The following PTPRD variants were observed in gnomAD, a reference collection of about 807,000 sequenced individuals.
The protein encoded by PTPRD is protein tyrosine phosphatase receptor type D.
In PTPRD, 34 loss-of-function variants were observed where a neutral mutation model predicts 214.5. That is an observed-to-expected ratio of 0.16 (90% confidence interval 0.12 to 0.21). PTPRD has a LOEUF of 0.21. Ranked by LOEUF, PTPRD falls within the 10% of genes least tolerant of loss-of-function variation. The probability of loss-of-function intolerance (pLI) is 1.00; values close to 1 mark genes in which losing one functional copy is unlikely to be tolerated. For missense variants in PTPRD, 2,545 were observed against 2,398.7 expected (o/e 1.06, Z -1.27); for synonymous variants, 1,128 against 845.7 (o/e 1.33, Z -5.79).
intron 5 of PTPRD, among the ~76,000 whole-genome samples, chr9:9,786,574 G>A (rs534509881): frequency 2.6e-5 from 4 of 152,240 alleles, no homozygotes; most frequent in South Asian, 4.1e-4. Flanking sequence ...TCCCTTGCTG[G>A]TAGAAGCAAG....
chr9:10,153,927 A>C (rs1007956254), intron 3 of PTPRD, among the ~76,000 whole-genome samples: 1 of 152,158 alleles, frequency 6.6e-6, no homozygotes, highest in Admixed American at 6.6e-5. Flanking sequence ...TGATATTGTG[A>C]ATAGTGTTGC....
chr9:10,447,582 AAAC>A (rs2098808647), intron 2 of PTPRD, among the ~76,000 whole-genome samples: 1 of 152,006 alleles, frequency 6.6e-6, no homozygotes, highest in Admixed American at 6.6e-5. Flanking sequence ...GAGCATTGAA[AAAC>A]AATAATATAA....
At chr9:10,114,282 C>T (rs1449879106) in intron 3 of PTPRD, among the ~76,000 whole-genome samples, 1 of 152,018 alleles carries the variant, frequency 6.6e-6, no homozygotes, top group Admixed American at 6.6e-5. Flanking sequence ...GCTGAGCCAC[C>T]CTATTGAAGG....
At chr9:9,962,695 T>C (rs1281907087) in intron 4 of PTPRD, among the ~76,000 whole-genome samples, 4 of 152,092 alleles carry the variant, frequency 2.6e-5, no homozygotes, top group Non-Finnish European at 4.4e-5. Flanking sequence ...GTCTAATTGT[T>C]GTATGTATCT....
At chr9:8,777,894 C>G (rs2095547577) in intron 11 of PTPRD, among the ~76,000 whole-genome samples, 3 of 152,116 alleles carry the variant, frequency 2.0e-5, no homozygotes, top group Admixed American at 2.0e-4. Context: ...TACAACCCAC[C>G]ATGAAAAACA....
chr9:9,316,616 G>C (rs373947785), intron 9 of PTPRD, among the ~76,000 whole-genome samples: 13 of 152,004 alleles, frequency 8.6e-5, no homozygotes, highest in African/African-American at 2.4e-4. Flanking sequence ...AGTAGGTTAA[G>C]AGCAAAATAG....
At chr9:10,610,565 T>C (rs2080723296) in intron 2 of PTPRD, among the ~76,000 whole-genome samples, 1 of 151,952 alleles carries the variant, frequency 6.6e-6, no homozygotes, top group Non-Finnish European at 1.5e-5. Context: ...CAGAAATGAG[T>C]AGAGGTTATG....
rs142980516 is a variant in PTPRD, at chr9:9,577,501, C to A, written c.-286-2720G>T. Among the ~76,000 whole-genome samples, 908 of 152,110 alleles carry A rather than the reference C, an allele frequency of 6.0e-3. 3 individuals carry two copies. The highest frequency in any genetic ancestry group is 0.012 in the South Asian group (58 of 4,816). The stretch of plus-strand genomic sequence containing the variant: ...ATCGCTTGAACCCTGGAAATTGAGG[C>A]TGCAGTGAGCCGAGATTGTGCCACT... On this transcript the variant is annotated intron_variant, in intron 7 of 45. Coordinates refer to ENST00000381196, the MANE Select transcript of PTPRD (RefSeq NM_002839.4).
At chr9:8,489,095 C>G (rs1334879832) in intron 27 of PTPRD, among the ~76,000 whole-genome samples, 1 of 152,124 alleles carries the variant, frequency 6.6e-6, no homozygotes, top group Non-Finnish European at 1.5e-5. Context: ...CATTTATGAG[C>G]ATGTTCTTAG....
At chr9:10,519,363 G>C (rs1230323068) in intron 2 of PTPRD, among the ~76,000 whole-genome samples, 3 of 147,018 alleles carry the variant, frequency 2.0e-5, no homozygotes, top group East Asian at 4.2e-4. Context: ...AAATATATAT[G>C]TACTGTTACT....
intron 11 of PTPRD, among the ~76,000 whole-genome samples, chr9:8,827,029 C>A (rs551358671): frequency 6.6e-6 from 1 of 152,068 alleles, no homozygotes; most frequent in South Asian, 2.1e-4. Flanking sequence ...TGTCTTTCTA[C>A]CCCTACACAC....
At chr9:8,833,530 CTTTTTTTCAT>C (rs2097341879) in intron 11 of PTPRD, among the ~76,000 whole-genome samples, 2 of 125,570 alleles carry the variant, frequency 1.6e-5, no homozygotes, top group South Asian at 5.0e-4. Flanking sequence ...TTCCAATTTT[CTTTTTTTCAT>C]TTTTTTTTCT....
chr9:8,832,798 C>G (rs2097325257), intron 11 of PTPRD, among the ~76,000 whole-genome samples: 1 of 151,128 alleles, frequency 6.6e-6, no homozygotes, highest in Non-Finnish European at 1.5e-5. Flanking sequence ...CTCTCTCTGG[C>G]TCTTGCTCTC....
intron 9 of PTPRD, among the ~76,000 whole-genome samples, chr9:9,335,841 T>G (rs2044227889): frequency 6.6e-6 from 1 of 152,018 alleles, no homozygotes; most frequent in African/African-American, 2.4e-5. Context: ...TTTCAACTTT[T>G]GCAACAAAAA....
chr9:10,356,340 T>C (rs10959066), intron 2 of PTPRD, among the ~76,000 whole-genome samples: 17,728 of 152,188 alleles, frequency 0.12, 1,050 homozygotes, highest in Middle Eastern at 0.14. Flanking sequence ...CATGAAGGGA[T>C]ACATAAGACT....
chr9:8,875,838 C>G (rs527966452), intron 11 of PTPRD, among the ~76,000 whole-genome samples: 1 of 152,120 alleles, frequency 6.6e-6, no homozygotes, highest in African/African-American at 2.4e-5. Context: ...TATGCCTTAA[C>G]TTCTCTGAGC....
At chr9:9,034,632 A>G (rs1339089831) in intron 10 of PTPRD, among the ~76,000 whole-genome samples, 1 of 152,064 alleles carries the variant, frequency 6.6e-6, no homozygotes, top group Non-Finnish European at 1.5e-5. Context: ...ATCTAAATTC[A>G]TATGTAGTGG....
In PTPRD at chr9:9,117,944, C is replaced by T. The variant is rs75074318; in HGVS notation, c.-143+65360G>A. Among the ~76,000 whole-genome samples, 1,283 of 152,148 alleles carry T rather than the reference C, an allele frequency of 8.4e-3. 19 individuals are homozygous for T. The highest frequency in any genetic ancestry group is 0.029 in the African/African-American group (1,217 of 41,506). ...ATCTGAAGTTTACACGATGTTGATG[C>T]TGTTTTTTTGGAAAAATAAATTTTA... On this transcript the variant is annotated intron_variant, in intron 10 of 45. Coordinates refer to ENST00000381196, the MANE Select transcript of PTPRD (RefSeq NM_002839.4).
chr9:9,473,304 G>A (rs1319148514), intron 8 of PTPRD, among the ~76,000 whole-genome samples: 1 of 152,092 alleles, frequency 6.6e-6, no homozygotes, highest in African/African-American at 2.4e-5. Flanking sequence ...TGAGTGACAG[G>A]ATTTTATTCT....
Sources: gnomAD v4.1 joint callset for allele counts (sites outside exome capture counted in the v4.1 genomes callset) on GRCh38, gnomAD v4.1.1 for gene constraint, MANE v1.5 for transcripts, NCBI Gene and HGNC (gene_info 2026-07-23, HGNC 2026-07-21) for gene names.